DCHS2: variants seen among roughly 807,000 people sequenced by gnomAD.
DCHS2 encodes the protein dachsous cadherin-related 2.
DCHS2 carries 142 observed loss-of-function variants against 182.4 expected under a neutral mutation model. The ratio of observed to expected loss-of-function variants is 0.78; its 90% CI spans 0.68 to 0.89. The LOEUF (loss-of-function observed/expected upper bound fraction) is 0.89. Among genes scored for constraint, DCHS2 ranks in the 40% least tolerant of loss-of-function variants. The pLI is 0.00. For missense variants in DCHS2, 4,319 were observed against 4,198.6 expected (o/e 1.03, Z -0.79); for synonymous variants, 1,740 against 1,663.3 (o/e 1.05, Z -1.12).
intron 10 of DCHS2, among the ~76,000 whole-genome samples, chr4:154,307,884 T>C (rs1221131826): frequency 6.6e-6 from 1 of 152,148 alleles, no homozygotes; most frequent in Non-Finnish European, 1.5e-5. Flanking sequence ...AAAGGAGGCA[T>C]TGGGAAAGAA....
chr4:154,437,485 A>G (rs1190402984), intron 1 of DCHS2, among the ~76,000 whole-genome samples: 1 of 152,208 alleles, frequency 6.6e-6, no homozygotes, highest in African/African-American at 2.4e-5. Flanking sequence ...AAATCAGGTA[A>G]TTCAACAAAA....
intron 3 of DCHS2, among the ~76,000 whole-genome samples, chr4:154,347,944 A>G (rs926562158): frequency 3.3e-5 from 5 of 151,962 alleles, no homozygotes; most frequent in Admixed American, 6.5e-5. Flanking sequence ...GGATAGATGT[A>G]TATTTTGCAT....
intron 1 of DCHS2, chr4:154,384,301 T>C (rs1019879192): frequency 6.4e-7 from 1 of 1,568,462 alleles, no homozygotes; most frequent in East Asian, 2.3e-5. Context: ...TGCCTCCTTA[T>C]TGAAACATCC....
chr4:154,374,002 C>CAAAAAAAA, intron 2 of DCHS2: 6 of 595,242 alleles, frequency 1.0e-5, no homozygotes, highest in Non-Finnish European at 1.3e-5. Context: ...ATTTTAATAG[C>CAAAAAAAA]AAAAAAAAAA....
At chr4:154,413,753 C>T (rs765846874) in intron 1 of DCHS2, among the ~76,000 whole-genome samples, 2 of 152,178 alleles carry the variant, frequency 1.3e-5, no homozygotes, top group South Asian at 2.1e-4. Flanking sequence ...GCCCTCCTTA[C>T]CTGGCCTCCC....
intron 1 of DCHS2, chr4:154,384,532 C>T: frequency 6.5e-7 from 1 of 1,546,302 alleles, no homozygotes; most frequent in Non-Finnish European, 8.7e-7. Flanking sequence ...TCCCCAGAAC[C>T]TATGACTATT....
chr4:154,323,405 CTGCA>C, intron 7 of DCHS2: 1 of 1,527,456 alleles, frequency 6.5e-7, no homozygotes, highest in Non-Finnish European at 8.8e-7. Context: ...TGATAGCTCA[CTGCA>C]GCCTGGAGTT....
chr4:154,264,607 A>G (rs1217046725), intron 14 of DCHS2, among the ~76,000 whole-genome samples: 5 of 152,244 alleles, frequency 3.3e-5, no homozygotes, highest in African/African-American at 9.6e-5. Context: ...CGACAATGGG[A>G]TGCCAGAAGC....
Position 154,235,045 on chromosome 4 carries a change from CTTT to C in DCHS2, c.9604_9606del (p.Lys3202del). 1 of 1,613,986 alleles carries C rather than the reference CTTT, an allele frequency of 6.2e-7. No homozygotes were observed. Among genetic ancestry groups the C allele is most frequent in the Non-Finnish European group, 8.5e-7 (1 of 1,179,962 alleles). Reference sequence around the variant, plus strand: ...TGATCACCTGAAATAAAGACAGACTCTTTTCTAACGTCAGCCAGGATGCTCTCT... The same window carrying C: ...TGATCACCTGAAATAAAGACAGACTCTCTAACGTCAGCCAGGATGCTCTCT... On this transcript the variant is annotated inframe_deletion, in exon 20 of 20. Coordinates refer to ENST00000357232, the MANE Select transcript of DCHS2 (RefSeq NM_001358235.2).
intron 1 of DCHS2, among the ~76,000 whole-genome samples, chr4:154,473,348 G>C (rs754892149): frequency 6.6e-6 from 1 of 152,196 alleles, no homozygotes; most frequent in Non-Finnish European, 1.5e-5. Context: ...GCCGCTATCT[G>C]GTTGGTCATT....
chr4:154,487,137 A>G (rs1451778461), intron 1 of DCHS2, among the ~76,000 whole-genome samples: 1 of 152,244 alleles, frequency 6.6e-6, no homozygotes, highest in African/African-American at 2.4e-5. Flanking sequence ...AAGTTGTACT[A>G]TTCATACCAA....
intron 3 of DCHS2, among the ~76,000 whole-genome samples, chr4:154,341,031 G>A (rs1729039863): frequency 6.6e-6 from 1 of 152,138 alleles, no homozygotes; most frequent in Non-Finnish European, 1.5e-5. Context: ...GGGGAGAATC[G>A]TGAACCTTAC....
chr4:154,401,977 G>C (rs913452040), intron 1 of DCHS2, among the ~76,000 whole-genome samples: 1 of 152,144 alleles, frequency 6.6e-6, no homozygotes, highest in Non-Finnish European at 1.5e-5. Context: ...CTGGGCAACT[G>C]AAAAGAAAAA....
rs745586779 is a variant in DCHS2, at chr4:154,320,812, C to A, written c.4587G>T (p.Val1529=). ...VEENVPIGTL[V]YVFNAKDDDG... is the part of the protein sequence containing the mutation. ...CATCATCTTTGGCATTGAAGACATA[C>A]ACCAGGGTTCCTATGGGAACATTCT... is the stretch of plus-strand genomic sequence containing the variant. The change falls in exon 9 of 20, where the codon GTG becomes GTT. Residue 1529 remains valine (V), a synonymous_variant. Transcript: ENST00000357232. 6.2e-7 allele frequency: 1 copy of A among 1,614,052 alleles called. No homozygotes were observed. The highest frequency in any genetic ancestry group is 8.5e-7 in the Non-Finnish European group (1 of 1,179,990).
At chr4:154,466,024 A>C (rs1735226301) in intron 1 of DCHS2, among the ~76,000 whole-genome samples, 1 of 152,204 alleles carries the variant, frequency 6.6e-6, no homozygotes, top group Admixed American at 6.5e-5. Flanking sequence ...AAAAGATGAT[A>C]AATTTTAACA....
chr4:154,234,728 G>A lies in DCHS2; in HGVS notation c.9924C>T (p.His3308=). ...GATGGTAGGGGATGGGAGAGCGTGG[G>A]TGTTTCGGAGGCACCTGCCCCAGGT... The part of the protein sequence containing the change: ...AVNLGQVPPK[H]PRSPIPYHLG... Residue 3308 remains histidine (H), a synonymous_variant, in exon 20 of 20, where the codon CAC becomes CAT. Transcript: ENST00000357232. The A allele has an allele frequency of 1.2e-6, 2 of 1,613,970 alleles. No individual in the cohort carries two copies. Among genetic ancestry groups the A allele is most frequent in the Non-Finnish European group, 1.7e-6 (2 of 1,179,950 alleles).
chr4:154,377,495 T>C (rs1332242697), intron 1 of DCHS2, 51 bp from the exon 2 acceptor site: 1 of 1,452,750 alleles, frequency 6.9e-7, no homozygotes, highest in Non-Finnish European at 9.5e-7. Flanking sequence ...AGCATTACTT[T>C]TCAGTCAGTC....
intron 1 of DCHS2, among the ~76,000 whole-genome samples, chr4:154,456,743 A>G (rs1734783911): frequency 6.6e-6 from 1 of 152,220 alleles, no homozygotes; most frequent in African/African-American, 2.4e-5. Flanking sequence ...ACTTTGAGTC[A>G]GAGCTATAGG....
Position 154,236,665 on chromosome 4 carries a change from G to A in DCHS2, c.7987C>T (p.Pro2663Ser), listed in dbSNP as rs1262472887. The A allele has an allele frequency of 1.2e-6, 2 of 1,614,002 alleles. No homozygotes were observed. The highest frequency in any genetic ancestry group is 1.7e-6 in the Non-Finnish European group (2 of 1,179,958). Residue 2663 changes from proline to serine, a missense_variant, in exon 20 of 20, where the codon CCA (proline) becomes TCA (serine). Physicochemically the swap from Pro to Ser is moderately conservative, Grantham distance 74. Transcript: ENST00000357232. Reference sequence around the variant, plus strand: ...TGATAGCTCAGGCTGCTGAAGTTTGGGGGATTGTCATTGACATCAAGTACT... The same window carrying A: ...TGATAGCTCAGGCTGCTGAAGTTTGAGGGATTGTCATTGACATCAAGTACT... ...IQVLDVNDNPPNFSSLSYHTH... is the reference protein window; with the variant it reads ...IQVLDVNDNPSNFSSLSYHTH...
Sources: gnomAD v4.1 joint callset for allele counts (sites outside exome capture counted in the v4.1 genomes callset) on GRCh38, gnomAD v4.1.1 for gene constraint, MANE v1.5 for transcripts, NCBI Gene and HGNC (gene_info 2026-07-23, HGNC 2026-07-21) for gene names.